HLTF: variants seen among roughly 807,000 people sequenced by gnomAD.
The protein encoded by HLTF is DNA-dependent ATPase/E3 ubiquitin-protein ligase HLTF.
HLTF carries 127 observed loss-of-function variants against 129.4 expected under a neutral mutation model. That is an observed-to-expected ratio of 0.98 (90% CI 0.85 to 1.14). HLTF has a LOEUF of 1.14. Among genes scored for constraint, HLTF ranks in the 50% most tolerant of loss-of-function variants. The pLI, the probability that HLTF is intolerant of heterozygous loss-of-function variation, is 0.00. For missense variants in HLTF, 1,139 were observed against 1,187.1 expected, an observed-to-expected ratio of 0.96 and a Z score of 0.60; for synonymous variants, 332 against 388.8, an observed-to-expected ratio of 0.85 and a Z score of 1.72.
At chr3:149,036,920 G>A (rs191191460) in intron 23 of HLTF, among the ~76,000 whole-genome samples, 64 of 152,236 alleles carry the variant, frequency 4.2e-4, no homozygotes, top group Middle Eastern at 3.4e-3. Context: ...AAAACGTTCT[G>A]TAAATTTTTA....
At chr3:149,051,507 G>A (rs1716992902) in intron 14 of HLTF, among the ~76,000 whole-genome samples, 1 of 152,180 alleles carries the variant, frequency 6.6e-6, no homozygotes, top group Non-Finnish European at 1.5e-5. Context: ...CAGAATACCG[G>A]TATGTAAGGA....
chr3:149,044,203 A>T (rs1296497741), intron 18 of HLTF, among the ~76,000 whole-genome samples: 2 of 152,184 alleles, frequency 1.3e-5, no homozygotes, highest in Non-Finnish European at 2.9e-5. Context: ...CATTTAAAGC[A>T]CTAAGATCAA....
chr3:149,039,673 T>C lies in HLTF; in HGVS notation c.2523A>G (p.Ala841=), dbSNP rs200776697. ...SSSKINALMH[A]LTDLRKKNPN... ...GATTCTTCTTTCTTAAGTCAGTCAA[T>C]GCGTGCATTAGCGCATTAATCTGCA... Residue 841 remains alanine, a synonymous_variant, in exon 22 of 25, where the codon GCA becomes GCG. Coordinates refer to ENST00000310053, the MANE Select transcript of HLTF (RefSeq NM_003071.4). 11 of 1,603,056 alleles carry C rather than the reference T, an allele frequency of 6.9e-6. No homozygotes were observed. In the South Asian group the frequency reaches 7.9e-5, roughly 11 times the overall value.
intron 2 of HLTF, among the ~76,000 whole-genome samples, chr3:149,076,576 C>A (rs537950851): frequency 1.3e-4 from 20 of 152,248 alleles, no homozygotes; most frequent in Admixed American, 4.6e-4. Context: ...AGCCTCAATT[C>A]TCCAGAATAT....
intron 7 of HLTF, among the ~76,000 whole-genome samples, chr3:149,069,345 C>A (rs1272489595): frequency 6.6e-6 from 1 of 151,808 alleles, no homozygotes; most frequent in East Asian, 1.9e-4. Context: ...GTGGTGCATG[C>A]CTGTAATCCC....
intron 2 of HLTF, among the ~76,000 whole-genome samples, chr3:149,082,002 C>A (rs1459262600): frequency 6.6e-6 from 1 of 152,120 alleles, no homozygotes; most frequent in Non-Finnish European, 1.5e-5. Context: ...GTTTGAATAT[C>A]TAAATAAAAT....
intron 18 of HLTF, among the ~76,000 whole-genome samples, chr3:149,045,196 G>T (rs73013104): frequency 0.11 from 16,550 of 151,192 alleles, 954 homozygotes; most frequent in African/African-American, 0.16. Flanking sequence ...TCCCAACTGG[G>T]AGCATCTACA....
intron 10 of HLTF, among the ~76,000 whole-genome samples, chr3:149,062,653 A>C (rs1052162520): frequency 2.0e-5 from 3 of 152,252 alleles, no homozygotes; most frequent in African/African-American, 7.2e-5. Flanking sequence ...CCTCTAGTCT[A>C]TGTTAATATA....
chr3:149,059,873 T>C, intron 12 of HLTF, 66 bp from the exon 13 acceptor site: 1 of 913,778 alleles, frequency 1.1e-6, no homozygotes, highest in Non-Finnish European at 1.7e-6. Context: ...TACAGGTACT[T>C]TCTAAGGGTA....
chr3:149,041,801 A>G, intron 19 of HLTF, 133 bp from the exon 20 acceptor site: 1 of 665,736 alleles, frequency 1.5e-6, no homozygotes, highest in Non-Finnish European at 2.5e-6. Context: ...CAAAAAGCAT[A>G]ATTTAAATTT....
intron 24 of HLTF, among the ~76,000 whole-genome samples, chr3:149,032,988 T>C (rs1185267041): frequency 6.7e-6 from 1 of 148,610 alleles, no homozygotes; most frequent in Non-Finnish European, 1.5e-5. Flanking sequence ...CAAAAAACTA[T>C]TCCCAGAAAT....
At chr3:149,081,499 C>G (rs1194424810) in intron 2 of HLTF, among the ~76,000 whole-genome samples, 1 of 151,718 alleles carries the variant, frequency 6.6e-6, no homozygotes, top group Admixed American at 6.6e-5. Flanking sequence ...AATTATTAAG[C>G]CAAGAAACAC....
Position 149,039,202 on chromosome 3 carries a change from C to CA in HLTF, c.2642dup (p.Leu881PhefsTer12). On this transcript the variant is annotated frameshift_variant, in exon 23 of 25. Transcript: ENST00000310053. LOFTEE classifies it high-confidence loss of function. ...TTTTCTTTTGGGCCATGGAACCATC[C>CA]AAACGAGTAAACACAAATCCAGAGG... is the stretch of plus-strand genomic sequence containing the variant. 1 of 1,591,652 alleles carries CA rather than the reference C, an allele frequency of 6.3e-7. No individual in the cohort carries two copies. The highest frequency in any genetic ancestry group is 8.5e-7 in the Non-Finnish European group (1 of 1,170,450).
intron 9 of HLTF, among the ~76,000 whole-genome samples, chr3:149,063,890 T>C (rs750534897): frequency 1.9e-4 from 29 of 152,152 alleles, no homozygotes; most frequent in African/African-American, 6.3e-4. Flanking sequence ...CTTGTGTCAC[T>C]TGGTAACTCT....
chr3:149,061,161 C>T (rs1345903248), intron 10 of HLTF, among the ~76,000 whole-genome samples: 1 of 152,106 alleles, frequency 6.6e-6, no homozygotes, highest in Non-Finnish European at 1.5e-5. Context: ...CCTCATACTC[C>T]TGGGCTCAAG....
In HLTF at chr3:149,032,098, TA is replaced by T. The variant is rs1196928435; in HGVS notation, c.*121del. ...AATTGTGTCAGTAATACCTCTTCAC[TA>T]ATATAAAATATGCCCCTTTTAGAAG... On this transcript the variant is annotated 3_prime_UTR_variant, in exon 25 of 25. Transcript: ENST00000310053. 3.1e-6 allele frequency: 2 copies of T among 654,744 alleles called. No homozygotes were observed. The highest frequency in any genetic ancestry group is 3.0e-5 in the South Asian group (1 of 33,594). 40.6% of individuals were successfully genotyped at this position (654,744 alleles called of 1,614,324 possible). A position where few individuals can be genotyped will look rare whatever the true frequency, so the allele number is the denominator to read the frequency against.
At chr3:149,036,420 C>T (rs1203713109) in intron 23 of HLTF, among the ~76,000 whole-genome samples, 1 of 151,404 alleles carries the variant, frequency 6.6e-6, no homozygotes, top group African/African-American at 2.4e-5. Flanking sequence ...TCCCAAGTAG[C>T]TGGGATTACA....
intron 23 of HLTF, among the ~76,000 whole-genome samples, chr3:149,036,296 G>GGTTTTTTTT (rs1715616411): frequency 1.7e-5 from 1 of 57,584 alleles, no homozygotes; most frequent in Non-Finnish European, 3.2e-5. Flanking sequence ...AAAACTATGA[G>GGTTTTTTTT]GTTTTTTTTT....
Position 149,086,408 on chromosome 3 carries a change from C to T in HLTF, c.-72G>A, listed in dbSNP as rs2108087126. 6.6e-7 allele frequency: 1 copy of T among 1,508,826 alleles called. No homozygotes were observed. Among genetic ancestry groups the T allele is most frequent in the Admixed American group, 2.0e-5 (1 of 50,694 alleles). The allele number at this position is 1,508,826 out of a possible 1,614,324, so 93.5% of individuals were successfully genotyped here. ...GTTTTCGAGCCGCCTCGATACGCCT[C>T]CTTCCAGGCCCCGCAGCCCTGAAGC... On this transcript the variant is annotated 5_prime_UTR_variant, in exon 1 of 25. Coordinates refer to ENST00000310053, the MANE Select transcript of HLTF (RefSeq NM_003071.4).
Sources: allele counts gnomAD v4.1 joint callset (sites outside exome capture counted in the v4.1 genomes callset), GRCh38; gene constraint gnomAD v4.1.1; transcripts MANE v1.5; gene names NCBI Gene and HGNC (gene_info 2026-07-23, HGNC 2026-07-21).